SLC2A13: variants seen among roughly 807,000 people sequenced by gnomAD.
SLC2A13 encodes the protein proton myo-inositol cotransporter.
A neutral mutation model predicts 64.4 loss-of-function variants in SLC2A13; 32 were observed. That is an observed-to-expected ratio of 0.50 (90% CI 0.37 to 0.67). The LOEUF (loss-of-function observed/expected upper bound fraction) is 0.67. SLC2A13 is among the 30% of genes least tolerant of loss of function. The pLI is 0.00. For missense variants in SLC2A13, 743 were observed against 829.2 expected (o/e 0.90, Z 1.28); for synonymous variants, 338 against 327.1 (o/e 1.03, Z -0.36).
chr12:39,928,409 AGTG>A (rs1230943522), intron 4 of SLC2A13, among the ~76,000 whole-genome samples: 2 of 152,146 alleles, frequency 1.3e-5, no homozygotes, highest in Non-Finnish European at 2.9e-5. Context: ...TTTTTGTGTG[AGTG>A]GTGGAATCAA....
At chr12:39,795,148 C>G (rs1941533421) in intron 7 of SLC2A13, among the ~76,000 whole-genome samples, 1 of 152,060 alleles carries the variant, frequency 6.6e-6, no homozygotes, top group African/African-American at 2.4e-5. Flanking sequence ...TTGGAGTACG[C>G]TAAACTTATT....
intron 1 of SLC2A13, among the ~76,000 whole-genome samples, chr12:40,074,272 C>T (rs1481214626): frequency 2.6e-5 from 4 of 151,280 alleles, no homozygotes; most frequent in Non-Finnish European, 5.9e-5. Flanking sequence ...CTCAAGGGAT[C>T]CTCCCACCTC....
At position 40,048,038 on chromosome 12, in the gene SLC2A13, A is replaced by T. The variant is rs1398569896; in HGVS notation, c.716+13T>A. 1 of 1,573,566 alleles carries T rather than the reference A, an allele frequency of 6.4e-7. No homozygotes were observed. Among genetic ancestry groups the T allele is most frequent in the Non-Finnish European group, 8.6e-7 (1 of 1,167,874 alleles). The stretch of plus-strand genomic sequence containing the variant: ...AAGATTTGAAAAATTAAATGTAAAA[A>T]GTATTTACAAACCTCCATCCATCCT... On this transcript the variant is annotated intron_variant, in intron 2 of 9. Transcript: ENST00000280871.
At position 39,830,297 on chromosome 12, in the gene SLC2A13, T is replaced by C. The variant is rs1942815860; in HGVS notation, c.1320-69A>G. 5.1e-6 allele frequency: 8 copies of C among 1,554,138 alleles called. No homozygotes were observed. In the South Asian group the frequency reaches 8.7e-5, roughly 17 times the overall value. ...GGTGCTCACCATATACTGGATTCCA[T>C]GTGCTTCTCTGCATTTTCCACTCTC... On this transcript the variant is annotated intron_variant, in intron 6 of 9. Coordinates refer to ENST00000280871, the MANE Select transcript of SLC2A13 (RefSeq NM_052885.4).
At chr12:40,090,255 C>A (rs1239597350) in intron 1 of SLC2A13, among the ~76,000 whole-genome samples, 1 of 152,066 alleles carries the variant, frequency 6.6e-6, no homozygotes, top group Non-Finnish European at 1.5e-5. Context: ...TAAATGCTTC[C>A]AAATCTTCAT....
intron 9 of SLC2A13, among the ~76,000 whole-genome samples, chr12:39,762,782 T>C (rs1940203825): frequency 6.6e-6 from 1 of 152,104 alleles, no homozygotes; most frequent in South Asian, 2.1e-4. Context: ...ACTATTTTTC[T>C]ACTACTAGAG....
chr12:40,092,528 C>G (rs757456690), intron 1 of SLC2A13, among the ~76,000 whole-genome samples: 1 of 152,142 alleles, frequency 6.6e-6, no homozygotes, highest in African/African-American at 2.4e-5. Flanking sequence ...CATCATTATA[C>G]ACTTACACAT....
At chr12:39,986,769 AT>A (rs1237319635) in intron 3 of SLC2A13, among the ~76,000 whole-genome samples, 3 of 151,992 alleles carry the variant, frequency 2.0e-5, no homozygotes, top group Non-Finnish European at 1.5e-5. Context: ...AAACCGACCA[AT>A]TTCAAAGAGA....
intron 7 of SLC2A13, among the ~76,000 whole-genome samples, chr12:39,782,928 T>A (rs1040957927): frequency 2.6e-5 from 4 of 152,136 alleles, no homozygotes; most frequent in African/African-American, 9.7e-5. Flanking sequence ...TGTGCAGGTT[T>A]GTTATGTATG....
rs577781577 is a variant in SLC2A13, at chr12:39,788,808, C to G, written c.1446-23950G>C. 4 of 152,288 alleles carry G rather than the reference C, an allele frequency of 2.6e-5. No homozygotes were observed. The East Asian group carries it at 7.7e-4, about 29-fold the overall frequency. 9.4% of individuals were successfully genotyped at this position (152,288 alleles called of 1,614,324 possible). On this transcript the variant is annotated intron_variant, in intron 7 of 9. Coordinates refer to ENST00000280871, the MANE Select transcript of SLC2A13 (RefSeq NM_052885.4). ...TGATTTGTATTAGAAAGTAGCTCAA[C>G]AATCGAAGTTGCCCTGCAATCTAAA...
intron 3 of SLC2A13, among the ~76,000 whole-genome samples, chr12:39,988,866 C>G (rs1035957315): frequency 4.6e-5 from 7 of 152,140 alleles, no homozygotes; most frequent in Non-Finnish European, 7.4e-5. Context: ...ATATCCCCAT[C>G]CAATGCATCA....
intron 3 of SLC2A13, among the ~76,000 whole-genome samples, chr12:39,966,188 G>A (rs1946511368): frequency 1.3e-5 from 2 of 151,688 alleles, no homozygotes; most frequent in Non-Finnish European, 2.9e-5. Flanking sequence ...AGAGAAGTAT[G>A]TATATGTATA....
chr12:39,816,449 A>T (rs1354038507), intron 7 of SLC2A13, among the ~76,000 whole-genome samples: 1 of 101,416 alleles, frequency 9.9e-6, no homozygotes, highest in African/African-American at 3.8e-5. Context: ...GGGAGGGGGG[A>T]GGGATAGCAT....
intron 4 of SLC2A13, among the ~76,000 whole-genome samples, chr12:39,924,551 T>A (rs911943673): frequency 6.6e-6 from 1 of 152,184 alleles, no homozygotes; most frequent in African/African-American, 2.4e-5. Context: ...CACCTTTTTC[T>A]GACACAACAT....
At chr12:39,893,724 G>T (rs975153871) in intron 4 of SLC2A13, among the ~76,000 whole-genome samples, 1 of 152,172 alleles carries the variant, frequency 6.6e-6, no homozygotes, top group African/African-American at 2.4e-5. Context: ...TGGAGTGTGT[G>T]TGTCCTGGTC....
At chr12:39,798,888 T>A (rs1275385331) in intron 7 of SLC2A13, among the ~76,000 whole-genome samples, 1 of 151,764 alleles carries the variant, frequency 6.6e-6, no homozygotes, top group East Asian at 1.9e-4. Context: ...ATAAAAATAA[T>A]TTTATGAAAT....
chr12:40,057,158 C>T (rs1201906933), intron 1 of SLC2A13, among the ~76,000 whole-genome samples: 1 of 152,092 alleles, frequency 6.6e-6, no homozygotes, highest in Non-Finnish European at 1.5e-5. Context: ...AAACCCCATA[C>T]TGGACACAGT....
intron 6 of SLC2A13, among the ~76,000 whole-genome samples, chr12:39,860,953 C>A (rs750560241): frequency 1.3e-5 from 2 of 152,166 alleles, no homozygotes; most frequent in East Asian, 3.9e-4. Flanking sequence ...CATGGATTTA[C>A]GTTCTTAGAC....
At chr12:39,865,867 G>C (rs1943895204) in intron 5 of SLC2A13, among the ~76,000 whole-genome samples, 1 of 152,080 alleles carries the variant, frequency 6.6e-6, no homozygotes, top group Non-Finnish European at 1.5e-5. Flanking sequence ...CAGACACCAG[G>C]GATTACTTGG....
Sources: gnomAD v4.1 joint callset for allele counts (sites outside exome capture counted in the v4.1 genomes callset) on GRCh38, gnomAD v4.1.1 for gene constraint, MANE v1.5 for transcripts, NCBI Gene and HGNC (gene_info 2026-07-23, HGNC 2026-07-21) for gene names.